Variants in COL10A1 observed in about 807,000 individuals in gnomAD.
The protein encoded by COL10A1 is collagen alpha-1(X) chain.
A neutral mutation model predicts 18.2 loss-of-function variants in COL10A1; 10 were observed. The ratio of observed to expected loss-of-function variants is 0.55; its 90% CI spans 0.34 to 0.93. The LOEUF is 0.93. Ranked by LOEUF, COL10A1 falls within the 40% of genes least tolerant of loss-of-function variation. COL10A1 has a pLI of 0.02. For synonymous variants in COL10A1, 330 were observed against 316.6 expected, an observed-to-expected ratio of 1.04 and a Z score of -0.45; for missense variants, 897 against 853.5, an observed-to-expected ratio of 1.05 and a Z score of -0.64.
chr6:116,163,240 T>TTTG (rs1002013811), upstream of COL10A1, among the ~76,000 whole-genome samples: 7 of 149,960 alleles, frequency 4.7e-5, no homozygotes, highest in African/African-American at 1.5e-4. Flanking sequence ...TGGGTTTTTT[T>TTTG]TTGTTGTTGT....
chr6:116,149,456 G>C (rs1268222560), intron 1 of COL10A1, among the ~76,000 whole-genome samples: 1 of 152,196 alleles, frequency 6.6e-6, no homozygotes, highest in African/African-American at 2.4e-5. Context: ...CCAGTACTAA[G>C]AGAACACTAA....
At chr6:116,152,672 G>A (rs1482445647) in intron 1 of COL10A1, among the ~76,000 whole-genome samples, 1 of 152,014 alleles carries the variant, frequency 6.6e-6, no homozygotes, top group Admixed American at 6.6e-5. Context: ...CCCTTCTTCA[G>A]CCCTACTGTA....
chr6:116,201,842 C>T, the COL10A1 span, among the ~76,000 whole-genome samples: 1 of 151,984 alleles, frequency 6.6e-6, no homozygotes, highest in Non-Finnish European at 1.5e-5. Context: ...ATTGCCTCTA[C>T]TTTTTTAAAT....
At chr6:116,133,731 G>T (rs1779523206) in intron 1 of COL10A1, among the ~76,000 whole-genome samples, 1 of 152,142 alleles carries the variant, frequency 6.6e-6, no homozygotes, top group South Asian at 2.1e-4. Context: ...GATGCTAAGT[G>T]AGTCTTCCTG....
the COL10A1 span, among the ~76,000 whole-genome samples, chr6:116,216,881 G>C: frequency 6.6e-6 from 1 of 152,082 alleles, no homozygotes; most frequent in African/African-American, 2.4e-5. Flanking sequence ...AGGCATTTTA[G>C]CTGTTCACTA....
At chr6:116,201,976 G>C in the COL10A1 span, among the ~76,000 whole-genome samples, 1 of 152,126 alleles carries the variant, frequency 6.6e-6, no homozygotes, top group South Asian at 2.1e-4. Flanking sequence ...ACACCTGGAG[G>C]AGTGCTGACC....
intron 1 of COL10A1, among the ~76,000 whole-genome samples, chr6:116,154,255 A>G (rs371329508): frequency 1.2e-4 from 18 of 152,320 alleles, no homozygotes; most frequent in East Asian, 3.9e-4. Flanking sequence ...AATATATTCA[A>G]TATTTTAACA....
intron 1 of COL10A1, 133 bp from the exon 2 acceptor site, chr6:116,125,640 A>G (rs1376972939): frequency 1.4e-6 from 1 of 727,314 alleles, no homozygotes; most frequent in Non-Finnish European, 2.2e-6. Context: ...AATATGTGCC[A>G]TAAATAAATG....
chr6:116,171,186 A>G, the COL10A1 span, among the ~76,000 whole-genome samples: 1 of 152,152 alleles, frequency 6.6e-6, no homozygotes, highest in Non-Finnish European at 1.5e-5. Context: ...TGACCCACTT[A>G]TATTATTGTC....
chr6:116,168,083 CTTT>C, the COL10A1 span, among the ~76,000 whole-genome samples: 3 of 118,998 alleles, frequency 2.5e-5, no homozygotes, highest in Non-Finnish European at 5.4e-5. Flanking sequence ...TACCTGGTGT[CTTT>C]TTTTTTTTTT....
At position 116,121,972 on chromosome 6, in the gene COL10A1, C is replaced by T. The variant is rs183285488; in HGVS notation, c.155-11G>A. ...CTCTTACTGCTATACCTAAAAGACA[C>T]ACCCAACACACCCACCCATAGAAGG... On this transcript the variant is annotated splice_polypyrimidine_tract_variant and intron_variant, in intron 2 of 2. Transcript: ENST00000651968. 1.3e-5 allele frequency: 21 copies of T among 1,605,718 alleles called. No individual in the cohort carries two copies. The African/African-American group carries it at 2.0e-4, about 15-fold the overall frequency.
the COL10A1 span, among the ~76,000 whole-genome samples, chr6:116,214,654 T>G: frequency 3.3e-5 from 5 of 152,104 alleles, no homozygotes; most frequent in Non-Finnish European, 7.4e-5. Context: ...AATTCTAATT[T>G]ACCTTCATTT....
intron 1 of COL10A1, among the ~76,000 whole-genome samples, chr6:116,146,852 A>G (rs1779910086): frequency 6.6e-6 from 1 of 151,980 alleles, no homozygotes. Flanking sequence ...ATGGATAGCC[A>G]TCTGAAAAAA....
chr6:116,184,234 G>A, the COL10A1 span, among the ~76,000 whole-genome samples: 1 of 151,808 alleles, frequency 6.6e-6, no homozygotes, highest in South Asian at 2.1e-4. Context: ...CTATCCCTGC[G>A]TCCCTCATAT....
chr6:116,195,875 A>G, the COL10A1 span, among the ~76,000 whole-genome samples: 1 of 152,038 alleles, frequency 6.6e-6, no homozygotes, highest in African/African-American at 2.4e-5. Flanking sequence ...GAAGAGACCA[A>G]AAAGCTATTT....
the COL10A1 span, among the ~76,000 whole-genome samples, chr6:116,176,244 C>G: frequency 6.6e-6 from 1 of 152,132 alleles, no homozygotes; most frequent in African/African-American, 2.4e-5. Flanking sequence ...GATTACTGCT[C>G]CAGCTAATGT....
At chr6:116,139,615 TA>T (rs1441491974) in intron 1 of COL10A1, among the ~76,000 whole-genome samples, 2 of 152,170 alleles carry the variant, frequency 1.3e-5, no homozygotes, top group Non-Finnish European at 2.9e-5. Flanking sequence ...TTCCAGTTTT[TA>T]AAATTTGGTT....
At chr6:116,166,427 A>G in the COL10A1 span, among the ~76,000 whole-genome samples, 1 of 152,332 alleles carries the variant, frequency 6.6e-6, no homozygotes, top group African/African-American at 2.4e-5. Context: ...CCAATCTTCA[A>G]CAAAGGTGCT....
chr6:116,175,207 A>G, the COL10A1 span, among the ~76,000 whole-genome samples: 1 of 152,150 alleles, frequency 6.6e-6, no homozygotes. Flanking sequence ...GAGCATTTCC[A>G]GGAAGTTTCT....
Sources: allele counts gnomAD v4.1 joint callset (sites outside exome capture counted in the v4.1 genomes callset), GRCh38; gene constraint gnomAD v4.1.1; transcripts MANE v1.5; gene names NCBI Gene and HGNC (gene_info 2026-07-23, HGNC 2026-07-21).